RSPH6A: variants seen among roughly 807,000 people sequenced by gnomAD.
The protein encoded by RSPH6A is radial spoke head 6 homolog A, also known as radial spoke head protein 6 homolog A.
Under a neutral mutation model 66.1 loss-of-function variants are expected in RSPH6A, and 49 were observed. That is an observed-to-expected ratio of 0.74 (90% confidence interval 0.59 to 0.94). The LOEUF (loss-of-function observed/expected upper bound fraction) is 0.94, where lower values mean the gene tolerates loss of function less well. Among genes scored for constraint, RSPH6A ranks in the 40% least tolerant of loss-of-function variants. The pLI is 0.00. For synonymous variants in RSPH6A, 419 were observed against 402.4 expected, an observed-to-expected ratio of 1.04 and a Z score of -0.49; for missense variants, 977 against 948.3, an observed-to-expected ratio of 1.03 and a Z score of -0.40.
rs149555741 is a variant in RSPH6A, at chr19:45,802,326, G to C, written c.1654-62C>G. 45 of 1,293,064 alleles carry C rather than the reference G, an allele frequency of 3.5e-5. No individual in the cohort carries two copies. In the South Asian group the frequency reaches 9.7e-4, roughly 28 times the overall value. 80.1% of individuals were successfully genotyped at this position (1,293,064 alleles called of 1,614,324 possible). On this transcript the variant is annotated intron_variant, in intron 3 of 5. Coordinates refer to ENST00000221538, the MANE Select transcript of RSPH6A (RefSeq NM_030785.4). The stretch of plus-strand genomic sequence containing the variant: ...GCACGGAACCCAGCCTGCCTCCTGT[G>C]GGGGAGGTGAAGGGCCAACAGGCAT...
chr19:45,805,065 T>A lies in RSPH6A; in HGVS notation c.889-49A>T, dbSNP rs779106779. The A allele has an allele frequency of 5.4e-6, 8 of 1,483,466 alleles. No individual in the cohort carries two copies. The South Asian group carries it at 9.8e-5, about 18-fold the overall frequency. 91.9% of individuals were successfully genotyped at this position (1,483,466 alleles called of 1,614,324 possible). A position where few individuals can be genotyped will look rare whatever the true frequency, so the allele number is the denominator to read the frequency against. ...AGAGGGGAGAATGCTGAAGCTCTGC[T>A]CCCTAGCCTACCTCTTCCAGACTCT... On this transcript the variant is annotated intron_variant, in intron 2 of 5. Transcript: ENST00000221538.
rs77094717 is a variant in RSPH6A, at chr19:45,814,630, G to A, written c.547C>T (p.Pro183Ser). ...LQFLPSELGF[P>S]HYSAQVPEPE... ...TCAGGCACCTGGGCACTGTAGTGTG[G>A]GAAGCCCAGCTCAGAGGGCAAGAAC... The change falls in exon 1 of 6, where the codon CCA becomes TCA. Residue 183 changes from proline to serine, a missense_variant. Physicochemically the swap from Pro to Ser is moderately conservative, Grantham distance 74 (BLOSUM62 -1). Transcript: ENST00000221538. 11 of 1,603,360 alleles carry A rather than the reference G, an allele frequency of 6.9e-6. No homozygotes were observed. The East Asian group carries it at 1.1e-4, about 16-fold the overall frequency.
chr19:45,801,064 CTGGGA>C, intron 4 of RSPH6A, among the ~76,000 whole-genome samples: 1 of 152,272 alleles, frequency 6.6e-6, no homozygotes, highest in Non-Finnish European at 1.5e-5. Flanking sequence ...CCCCAAAGTG[CTGGGA>C]TTACAGGCGT....
chr19:45,809,796 G>A (rs1180096105), intron 2 of RSPH6A, among the ~76,000 whole-genome samples: 1 of 152,212 alleles, frequency 6.6e-6, no homozygotes, highest in Non-Finnish European at 1.5e-5. Context: ...GCATTTCAAA[G>A]CAGTGGGGGG....
chr19:45,812,185 G>A (rs1443283620), intron 1 of RSPH6A, among the ~76,000 whole-genome samples: 1 of 151,656 alleles, frequency 6.6e-6, no homozygotes, highest in Admixed American at 6.6e-5. Flanking sequence ...TCTGGTTCCC[G>A]GGTTCAAGTG....
chr19:45,814,453 C>CT (rs1251410550), intron 1 of RSPH6A, 74 bp downstream of exon 1: 2 of 1,370,020 alleles, frequency 1.5e-6, no homozygotes, highest in Admixed American at 5.3e-5. Flanking sequence ...GTCTGACTGA[C>CT]TGAGGCAGGC....
intron 1 of RSPH6A, 93 bp from the exon 2 acceptor site, chr19:45,810,933 G>C (rs1487084531): frequency 1.0e-6 from 1 of 997,844 alleles, no homozygotes; most frequent in Non-Finnish European, 1.5e-6. Context: ...CCTGGTGCTG[G>C]GGACACAGTA....
chr19:45,797,916 G>A (rs1330164020), intron 5 of RSPH6A, among the ~76,000 whole-genome samples: 2 of 151,978 alleles, frequency 1.3e-5, no homozygotes, highest in South Asian at 2.1e-4. Context: ...CTGCTAAGAG[G>A]AGACTGATAA....
In RSPH6A at chr19:45,812,820, G is replaced by A. The variant is rs1339561973; in HGVS notation, c.650+1707C>T. Among the ~76,000 whole-genome samples the A allele has an allele frequency of 5.9e-5, 9 of 151,984 alleles. No homozygotes were observed. In the East Asian group the frequency reaches 1.4e-3, roughly 23 times the overall value. ...AGTGATTCTCCTGCCTCAGCCTCCC[G>A]AGTAGCTGAGATCACAGGCGTGTGC... On this transcript the variant is annotated intron_variant, in intron 1 of 5. Coordinates refer to ENST00000221538, the MANE Select transcript of RSPH6A (RefSeq NM_030785.4).
In RSPH6A at chr19:45,795,909, T is replaced by TCCTCCTCCTCCTCGCCCC; in HGVS notation, c.2113_2114insGGGGCGAGGAGGAGGAGG (p.Glu704_Glu705insGlyGlyGluGluGluGlu). 6.3e-6 allele frequency: 9 copies of TCCTCCTCCTCCTCGCCCC among 1,435,922 alleles called. No homozygotes were observed. Among genetic ancestry groups the TCCTCCTCCTCCTCGCCCC allele is most frequent in the South Asian group, 2.8e-5 (2 of 70,452 alleles). The allele number at this position is 1,435,922 out of a possible 1,614,324, so 88.9% of individuals were successfully genotyped here. ...CTCGCCCTCCTCCTCCTCCTCGCCC[T>TCCTCCTCCTCCTCGCCCC]CCTCCTCCTCCTCTGTGGCTCCCAG... On this transcript the variant is annotated inframe_insertion, in exon 6 of 6. Transcript: ENST00000221538.
chr19:45,809,841 C>G, intron 2 of RSPH6A, among the ~76,000 whole-genome samples: 1 of 152,208 alleles, frequency 6.6e-6, no homozygotes, highest in East Asian at 1.9e-4. Context: ...AAATGCCATT[C>G]AAGGTCCTGG....
rs565373202 is a variant in RSPH6A at position 45,804,831 on chromosome 19, G to A, written c.1074C>T (p.Ala358=). 36 of 1,614,008 alleles carry A rather than the reference G, an allele frequency of 2.2e-5. 1 individual carries two copies. The South Asian group carries it at 2.3e-4, about 10-fold the overall frequency. ...CCTCGCCCTCCCGGAATTCCACCTC[G>A]GCCACCAGGTAGCTGCGTTTGATTC... is the stretch of plus-strand genomic sequence containing the variant. ...ILGIKRSYLV[A]EVEFREGEEE... The change falls in exon 3 of 6, where the codon GCC becomes GCT. Residue 358 remains alanine (A), a synonymous_variant. Coordinates refer to ENST00000221538, the MANE Select transcript of RSPH6A (RefSeq NM_030785.4). This position sits in a 1 kb window ranked among gnomAD's most constrained non-coding sequence, Gnocchi z 5.8.
intron 5 of RSPH6A, among the ~76,000 whole-genome samples, chr19:45,799,074 A>G (rs1051123420): frequency 1.3e-5 from 2 of 152,214 alleles, no homozygotes; most frequent in African/African-American, 4.8e-5. Context: ...GAAGGAAAAA[A>G]TAAATGCCAG....
chr19:45,806,669 TCAAAAAAAA>T (rs1970547504), intron 2 of RSPH6A, among the ~76,000 whole-genome samples: 1 of 22,612 alleles, frequency 4.4e-5, no homozygotes, highest in Non-Finnish European at 7.2e-5. Context: ...AGACTCTGTC[TCAAAAAAAA>T]AAAAAAAAAA....
chr19:45,812,709 T>G (rs1484936836), intron 1 of RSPH6A, among the ~76,000 whole-genome samples: 1 of 152,038 alleles, frequency 6.6e-6, no homozygotes, highest in African/African-American at 2.4e-5. Flanking sequence ...TTTGTTGGTT[T>G]GTTTGAGACA....
intron 2 of RSPH6A, among the ~76,000 whole-genome samples, chr19:45,805,701 G>GAGAA (rs5828249): frequency 2.0e-5 from 3 of 150,814 alleles, no homozygotes; most frequent in Non-Finnish European, 4.4e-5. Flanking sequence ...CAAAAAAAAA[G>GAGAA]AGAAAGAAAG....
intron 5 of RSPH6A, among the ~76,000 whole-genome samples, chr19:45,799,289 C>T (rs560722174): frequency 3.1e-4 from 47 of 152,326 alleles, no homozygotes; most frequent in African/African-American, 1.0e-3. Context: ...TGCCAGGTGC[C>T]TGCGGGGGAA....
intron 2 of RSPH6A, among the ~76,000 whole-genome samples, chr19:45,810,312 A>G (rs2146288641): frequency 6.6e-6 from 1 of 152,092 alleles, no homozygotes; most frequent in South Asian, 2.1e-4. Context: ...CTGGGACTGC[A>G]TGTGCCTGCT....
chr19:45,803,626 G>A (rs578152806), intron 3 of RSPH6A, among the ~76,000 whole-genome samples: 120 of 150,684 alleles, frequency 8.0e-4, no homozygotes, highest in African/African-American at 2.9e-3. Context: ...GCGGTGAGCC[G>A]AGATCACGCC....
Sources: allele counts gnomAD v4.1 joint callset (sites outside exome capture counted in the v4.1 genomes callset), GRCh38; gene constraint gnomAD v4.1.1; non-coding constraint Gnocchi (gnomAD v3.1); transcripts MANE v1.5; gene names NCBI Gene and HGNC (gene_info 2026-07-23, HGNC 2026-07-21).